Variants in TASP1 observed in about 807,000 individuals in gnomAD.
TASP1 encodes the protein threonine aspartase 1.
Under a neutral mutation model 56.6 loss-of-function variants are expected in TASP1, and 16 were observed. That is an observed-to-expected ratio of 0.28 (90% CI 0.19 to 0.43). TASP1 has a LOEUF of 0.43. TASP1 is among the 20% of genes least tolerant of loss of function. TASP1 has a pLI of 1.00. For synonymous variants in TASP1, 179 were observed against 184.2 expected (o/e 0.97, Z 0.23); for missense variants, 393 against 511.6 (o/e 0.77, Z 2.24).
the TASP1 span, among the ~76,000 whole-genome samples, chr20:13,254,240 A>AATAC: frequency 6.6e-6 from 1 of 151,624 alleles, no homozygotes; most frequent in African/African-American, 2.4e-5. Flanking sequence ...CTCAAAAATA[A>AATAC]ATAAATAAAT....
At chr20:13,391,892 T>C (rs1474126352) in intron 13 of TASP1, among the ~76,000 whole-genome samples, 1 of 143,898 alleles carries the variant, frequency 6.9e-6, no homozygotes, top group African/African-American at 2.6e-5. Context: ...GGCATGAACC[T>C]GGGAGGTGGA....
intron 4 of TASP1, among the ~76,000 whole-genome samples, chr20:13,605,708 T>A (rs1471015963): frequency 2.0e-5 from 3 of 152,020 alleles, no homozygotes; most frequent in Non-Finnish European, 4.4e-5. Flanking sequence ...TTTAAATAAT[T>A]TAAAATAATA....
At position 13,390,192 on chromosome 20, in the gene TASP1, C is replaced by T. The variant is rs186807347; in HGVS notation, c.*168G>A. ...CAGTCCCGCTCACCCACCAAAGGCCCGCGTGTCACTAAGCGCTAACTACAG... is the reference window on the plus strand; with the variant it reads ...CAGTCCCGCTCACCCACCAAAGGCCTGCGTGTCACTAAGCGCTAACTACAG... On this transcript the variant is annotated 3_prime_UTR_variant, in exon 14 of 14. Coordinates refer to ENST00000337743, the MANE Select transcript of TASP1 (RefSeq NM_017714.3). 206 of 599,290 alleles carry T rather than the reference C, an allele frequency of 3.4e-4. 1 individual carries two copies. The highest frequency in any genetic ancestry group is 2.9e-3 in the Admixed American group (104 of 35,446). 37.1% of individuals were successfully genotyped at this position (599,290 alleles called of 1,614,324 possible).
the TASP1 span, among the ~76,000 whole-genome samples, chr20:13,123,249 G>A: frequency 1.3e-5 from 2 of 151,790 alleles, no homozygotes; most frequent in African/African-American, 4.8e-5. Flanking sequence ...GAGAATTGCT[G>A]GAGCCCAGGA....
intron 8 of TASP1, among the ~76,000 whole-genome samples, chr20:13,534,938 A>AG (rs777786630): frequency 9.2e-5 from 14 of 152,182 alleles, no homozygotes; most frequent in South Asian, 2.1e-4. Flanking sequence ...TCATGGAAAA[A>AG]GAAGTCTCAT....
At chr20:13,351,842 G>A in the TASP1 span, among the ~76,000 whole-genome samples, 1 of 152,130 alleles carries the variant, frequency 6.6e-6, no homozygotes, top group African/African-American at 2.4e-5. Flanking sequence ...ATTTTTAATA[G>A]AACATTTGAT....
the TASP1 span, among the ~76,000 whole-genome samples, chr20:13,189,506 C>T: frequency 6.6e-6 from 1 of 152,116 alleles, no homozygotes; most frequent in Admixed American, 6.6e-5. Context: ...TAAATAGACA[C>T]TTCTCAAAAG....
chr20:13,438,709 T>C (rs550040741), intron 11 of TASP1, among the ~76,000 whole-genome samples: 24 of 152,020 alleles, frequency 1.6e-4, no homozygotes, highest in African/African-American at 4.6e-4. Flanking sequence ...ACCATCAGAG[T>C]GAACAGGCAA....
At chr20:13,611,387 T>C (rs1477100176) in intron 4 of TASP1, among the ~76,000 whole-genome samples, 2 of 152,194 alleles carry the variant, frequency 1.3e-5, no homozygotes, top group Non-Finnish European at 2.9e-5. Flanking sequence ...TAGCTTCAGG[T>C]CAAAAATTTT....
At chr20:13,556,834 G>C (rs1283263090) in intron 8 of TASP1, among the ~76,000 whole-genome samples, 2 of 152,210 alleles carry the variant, frequency 1.3e-5, no homozygotes, top group African/African-American at 4.8e-5. Flanking sequence ...ATTTAACAAA[G>C]TCTTCATTCA....
the TASP1 span, among the ~76,000 whole-genome samples, chr20:13,301,964 A>G: frequency 1.3e-5 from 2 of 152,238 alleles, no homozygotes; most frequent in Non-Finnish European, 2.9e-5. Context: ...AAAGCATAAA[A>G]GAGCAAGGGG....
chr20:13,473,625 C>T (rs973834273), intron 11 of TASP1, among the ~76,000 whole-genome samples: 2 of 152,138 alleles, frequency 1.3e-5, no homozygotes, highest in Non-Finnish European at 2.9e-5. Context: ...CTGTCTACCT[C>T]TTAAATTAGA....
At chr20:13,383,385 T>C in the TASP1 span, among the ~76,000 whole-genome samples, 1 of 152,124 alleles carries the variant, frequency 6.6e-6, no homozygotes, top group Non-Finnish European at 1.5e-5. Context: ...TGTGAATGGA[T>C]TGGTTGTAGA....
At chr20:13,348,262 G>A in the TASP1 span, among the ~76,000 whole-genome samples, 3 of 152,174 alleles carry the variant, frequency 2.0e-5, no homozygotes, top group Non-Finnish European at 2.9e-5. Flanking sequence ...TACAATATTT[G>A]TGTGTTGCTT....
At chr20:13,445,076 A>G (rs2043355830) in intron 11 of TASP1, among the ~76,000 whole-genome samples, 1 of 152,204 alleles carries the variant, frequency 6.6e-6, no homozygotes, top group Non-Finnish European at 1.5e-5. Flanking sequence ...TTTAAAAGAT[A>G]GGAAGAGTCA....
chr20:13,165,377 T>C, the TASP1 span: 1 of 152,782 alleles, frequency 6.5e-6, no homozygotes, highest in South Asian at 2.1e-4. Flanking sequence ...TAAAGAAATG[T>C]TGTTTCTACC....
intron 8 of TASP1, among the ~76,000 whole-genome samples, chr20:13,534,363 C>T (rs1239234141): frequency 7.3e-5 from 11 of 151,226 alleles, no homozygotes; most frequent in Admixed American, 7.3e-4. Context: ...CAAAAGGTAT[C>T]CTGTTGCTTT....
the TASP1 span, among the ~76,000 whole-genome samples, chr20:13,286,756 C>G: frequency 6.6e-6 from 1 of 152,218 alleles, no homozygotes; most frequent in Non-Finnish European, 1.5e-5. Flanking sequence ...ATGTAAACAA[C>G]AGCCTGGAAG....
intron 11 of TASP1, among the ~76,000 whole-genome samples, chr20:13,459,115 A>C (rs553471698): frequency 7.2e-5 from 11 of 152,182 alleles, no homozygotes; most frequent in African/African-American, 2.4e-4. Flanking sequence ...TCCTGTCATA[A>C]TACCTAGTTG....
Sources: gnomAD v4.1 joint callset for allele counts (sites outside exome capture counted in the v4.1 genomes callset) on GRCh38, gnomAD v4.1.1 for gene constraint, MANE v1.5 for transcripts, NCBI Gene and HGNC (gene_info 2026-07-23, HGNC 2026-07-21) for gene names.